The following GRM8 variants were observed in gnomAD, a reference collection of about 807,000 sequenced individuals.
GRM8 encodes the protein metabotropic glutamate receptor 8.
GRM8 carries 47 observed loss-of-function variants against 87.2 expected under a neutral mutation model. The observed-to-expected ratio is 0.54, with a 90% CI of 0.43 to 0.69. The LOEUF (loss-of-function observed/expected upper bound fraction) is 0.69. GRM8 is among the 30% of genes least tolerant of loss of function. The pLI is 0.00. For missense variants in GRM8, 1,019 were observed against 1,139.2 expected, an observed-to-expected ratio of 0.89 and a Z score of 1.52; for synonymous variants, 396 against 404.5, an observed-to-expected ratio of 0.98 and a Z score of 0.25.
intron 7 of GRM8, among the ~76,000 whole-genome samples, chr7:126,694,247 C>G (rs573162796): frequency 2.6e-5 from 4 of 152,186 alleles, no homozygotes; most frequent in African/African-American, 9.6e-5. Context: ...CCATCTAAAA[C>G]ATAGTACTTG....
chr7:127,215,044 T>C (rs1796439387), intron 2 of GRM8: 1 of 152,216 alleles, frequency 6.6e-6, no homozygotes, highest in Non-Finnish European at 1.5e-5. Flanking sequence ...CACTGATGGC[T>C]TGTTTACTCT....
chr7:127,158,357 C>G (rs1792869199), intron 2 of GRM8, among the ~76,000 whole-genome samples: 1 of 152,178 alleles, frequency 6.6e-6, no homozygotes, highest in Non-Finnish European at 1.5e-5. Flanking sequence ...ACCGTCCACT[C>G]TCTTGTCAGT....
At chr7:126,519,950 G>T (rs1034112372) in intron 9 of GRM8, among the ~76,000 whole-genome samples, 4 of 151,262 alleles carry the variant, frequency 2.6e-5, no homozygotes, top group African/African-American at 9.7e-5. Context: ...AAAAAGAAGA[G>T]AAGTCGGTGT....
intron 7 of GRM8, among the ~76,000 whole-genome samples, chr7:126,734,523 T>C (rs1024907300): frequency 6.6e-6 from 1 of 151,480 alleles, no homozygotes; most frequent in African/African-American, 2.4e-5. Context: ...TAATAATATA[T>C]TAAAATGGCC....
chr7:127,148,450 G>T (rs1255002840), intron 2 of GRM8, among the ~76,000 whole-genome samples: 1 of 151,686 alleles, frequency 6.6e-6, no homozygotes, highest in East Asian at 1.9e-4. Context: ...TACTGGACTT[G>T]AATAGCACTT....
chr7:126,518,848 C>A (rs1172253816), intron 9 of GRM8, among the ~76,000 whole-genome samples: 1 of 151,880 alleles, frequency 6.6e-6, no homozygotes, highest in Non-Finnish European at 1.5e-5. Context: ...TTAGAGACTA[C>A]CTAGTCAAGT....
intron 9 of GRM8, among the ~76,000 whole-genome samples, chr7:126,510,005 C>T (rs542957388): frequency 6.6e-6 from 1 of 152,028 alleles, no homozygotes; most frequent in Admixed American, 6.6e-5. Context: ...CACATGATGT[C>T]TATTAGAAAG....
intron 7 of GRM8, among the ~76,000 whole-genome samples, chr7:126,723,122 T>A (rs1252294635): frequency 1.3e-5 from 2 of 151,554 alleles, no homozygotes; most frequent in East Asian, 3.9e-4. Context: ...CCTTATTTCC[T>A]CAGGAAGAGG....
chr7:126,984,074 T>C (rs773291474), intron 3 of GRM8, among the ~76,000 whole-genome samples: 16 of 152,232 alleles, frequency 1.1e-4, no homozygotes, highest in Non-Finnish European at 2.2e-4. Context: ...ACATAAGATT[T>C]ATTGACTTCA....
intron 2 of GRM8, among the ~76,000 whole-genome samples, chr7:127,185,291 A>G (rs1794674764): frequency 6.6e-6 from 1 of 152,106 alleles, no homozygotes; most frequent in African/African-American, 2.4e-5. Flanking sequence ...CAGAATACTG[A>G]GCTCAGAAAT....
intron 7 of GRM8, among the ~76,000 whole-genome samples, chr7:126,615,282 T>C (rs1248750217): frequency 2.0e-5 from 3 of 152,072 alleles, no homozygotes; most frequent in Non-Finnish European, 4.4e-5. Flanking sequence ...CTAAGCTTCA[T>C]AAGTGAAGGA....
chr7:127,096,184 G>A (rs1824634532), intron 3 of GRM8, among the ~76,000 whole-genome samples: 1 of 152,150 alleles, frequency 6.6e-6, no homozygotes, highest in Non-Finnish European at 1.5e-5. Flanking sequence ...GCTGCCTTTT[G>A]CTCATTGAGC....
chr7:127,042,958 T>C (rs1297823521), intron 3 of GRM8, among the ~76,000 whole-genome samples: 1 of 152,092 alleles, frequency 6.6e-6, no homozygotes, highest in Non-Finnish European at 1.5e-5. Flanking sequence ...GTGAAGGATA[T>C]GAACAGACAC....
At chr7:126,765,192 T>A (rs10279350) in intron 7 of GRM8, among the ~76,000 whole-genome samples, 203 of 152,014 alleles carry the variant, frequency 1.3e-3, no homozygotes, top group Admixed American at 2.4e-3. Context: ...TCCTCTGCTA[T>A]CCTGTGAACC....
intron 9 of GRM8, 38 bp from the exon 10 acceptor site, chr7:126,446,410 C>A (rs373019778): frequency 3.1e-5 from 42 of 1,368,370 alleles, no homozygotes; most frequent in Admixed American, 1.9e-5. Context: ...TGTTGGTAAG[C>A]CTAACAGTAG....
intron 3 of GRM8, among the ~76,000 whole-genome samples, chr7:126,967,715 T>C (rs1400621305): frequency 6.6e-6 from 1 of 152,208 alleles, no homozygotes; most frequent in Admixed American, 6.5e-5. Context: ...GCCTTCATGA[T>C]TAGAAACTTA....
chr7:126,724,411 C>T (rs1370751779), intron 7 of GRM8, among the ~76,000 whole-genome samples: 2 of 152,080 alleles, frequency 1.3e-5, no homozygotes, highest in African/African-American at 4.8e-5. Context: ...AAACTCGAGG[C>T]CCTAGAGGAT....
intron 7 of GRM8, among the ~76,000 whole-genome samples, chr7:126,762,237 T>C (rs926035564): frequency 6.6e-6 from 1 of 151,970 alleles, no homozygotes; most frequent in African/African-American, 2.4e-5. Flanking sequence ...CTGATAGGCA[T>C]CTATTTTTTT....
chr7:126,984,448 T>C (rs533115127), intron 3 of GRM8, among the ~76,000 whole-genome samples: 2 of 152,302 alleles, frequency 1.3e-5, no homozygotes, highest in South Asian at 4.1e-4. Context: ...ACAGTCAGAA[T>C]ATAAAGTGGG....
Sources: allele counts gnomAD v4.1 joint callset (sites outside exome capture counted in the v4.1 genomes callset), GRCh38; gene constraint gnomAD v4.1.1; transcripts MANE v1.5; gene names NCBI Gene and HGNC (gene_info 2026-07-23, HGNC 2026-07-21).